The following CERT1 variants were observed in gnomAD, a reference collection of about 807,000 sequenced individuals.
CERT1 encodes the protein ceramide transporter 1.
CERT1 carries 31 observed loss-of-function variants against 87.9 expected under a neutral mutation model. The ratio of observed to expected loss-of-function variants is 0.35; its 90% CI spans 0.27 to 0.48. The LOEUF (loss-of-function observed/expected upper bound fraction) is 0.48, where lower values mean the gene tolerates loss of function less well. Among genes scored for constraint, CERT1 ranks in the 20% least tolerant of loss-of-function variants. The pLI is 0.99. For synonymous variants in CERT1, 289 were observed against 250.9 expected (o/e 1.15, Z -1.44); for missense variants, 487 against 758.0 (o/e 0.64, Z 4.20).
intron 13 of CERT1, among the ~76,000 whole-genome samples, chr5:75,385,108 T>C (rs1382045951): frequency 2.6e-5 from 4 of 152,306 alleles, no homozygotes; most frequent in Middle Eastern, 3.4e-3. Context: ...AAACTGCCAA[T>C]GATAAACATC....
intron 12 of CERT1, among the ~76,000 whole-genome samples, chr5:75,387,126 C>T (rs542231714): frequency 6.6e-6 from 1 of 152,024 alleles, no homozygotes; most frequent in Non-Finnish European, 1.5e-5. Context: ...GCCTTGGCCT[C>T]CCAAAGTGCT....
chr5:75,448,718 CTG>C (rs1764651346), intron 3 of CERT1, among the ~76,000 whole-genome samples: 1 of 152,164 alleles, frequency 6.6e-6, no homozygotes, highest in Admixed American at 6.5e-5. Flanking sequence ...GTCCCAGTGA[CTG>C]TCAGAAATCT....
intron 2 of CERT1, among the ~76,000 whole-genome samples, chr5:75,459,930 C>G (rs1191774881): frequency 6.8e-6 from 1 of 146,978 alleles, no homozygotes; most frequent in Non-Finnish European, 1.5e-5. Flanking sequence ...CCACTGCTCT[C>G]CAGCCTGGGT....
chr5:75,504,677 G>A (rs1286456899), intron 2 of CERT1, among the ~76,000 whole-genome samples: 3 of 150,730 alleles, frequency 2.0e-5, no homozygotes, highest in Non-Finnish European at 4.4e-5. Flanking sequence ...TTGTTTTAAC[G>A]TACCCATTTT....
At chr5:75,441,939 T>C (rs1453908891) in intron 3 of CERT1, among the ~76,000 whole-genome samples, 1 of 152,236 alleles carries the variant, frequency 6.6e-6, no homozygotes, top group Non-Finnish European at 1.5e-5. Flanking sequence ...GTAGATCATA[T>C]GTTAATTCCA....
At chr5:75,374,137 T>G, downstream of CERT1, 1 of 376,780 alleles carries the variant, frequency 2.7e-6, no homozygotes, top group Non-Finnish European at 4.7e-6. Flanking sequence ...AGCATTCAGC[T>G]TTTTTTTTTC....
rs1405514243 is a variant in CERT1 at position 75,511,175 on chromosome 5, G to A, written c.33C>T (p.Gly11=). 9.3e-6 allele frequency: 15 copies of A among 1,612,630 alleles called. No homozygotes were observed. Among genetic ancestry groups the A allele is most frequent in the Non-Finnish European group, 1.2e-5 (14 of 1,179,620 alleles). The change falls in exon 1 of 17, where the codon GGC becomes GGT. Residue 11 remains glycine (G), a synonymous_variant. Coordinates refer to ENST00000643780, the MANE Select transcript of CERT1 (RefSeq NM_001379029.1). MSDNQSWNSS[G]SEEDPETESG... is the part of the protein sequence containing the mutation. ...ACTCCGTCTCTGGATCCTCCTCCGA[G>A]CCCGACGAGTTCCAGCTCTGATTAT... is the stretch of plus-strand genomic sequence containing the variant.
intron 2 of CERT1, among the ~76,000 whole-genome samples, chr5:75,463,284 C>T (rs1302338834): frequency 1.3e-5 from 2 of 152,018 alleles, no homozygotes; most frequent in Non-Finnish European, 2.9e-5. Context: ...AACCCTCTAC[C>T]CCACAATTAA....
intron 8 of CERT1, among the ~76,000 whole-genome samples, chr5:75,409,864 G>C (rs184034654): frequency 6.7e-6 from 1 of 149,002 alleles, no homozygotes; most frequent in Non-Finnish European, 1.5e-5. Flanking sequence ...ACAAAGTCTC[G>C]CTCTGTCACC....
intron 11 of CERT1, among the ~76,000 whole-genome samples, chr5:75,395,819 C>T (rs1204260104): frequency 1.3e-5 from 2 of 152,192 alleles, no homozygotes; most frequent in Middle Eastern, 3.4e-3. Flanking sequence ...CACTGCACTA[C>T]AGCCTGGGTG....
chr5:75,442,694 T>C (rs577690192), intron 3 of CERT1, among the ~76,000 whole-genome samples: 1 of 152,234 alleles, frequency 6.6e-6, no homozygotes, highest in South Asian at 2.1e-4. Flanking sequence ...TAGATTCAGT[T>C]ACTTGTGGAA....
chr5:75,370,126 T>C (rs896212147), intron 17 of CERT1: 1 of 152,224 alleles, frequency 6.6e-6, no homozygotes, highest in African/African-American at 2.4e-5. Context: ...CACATAATAT[T>C]TCTCTGTCAT....
chr5:75,477,536 G>C (rs1171366382), intron 2 of CERT1, among the ~76,000 whole-genome samples: 1 of 151,324 alleles, frequency 6.6e-6, no homozygotes. Flanking sequence ...AAAAATTTCT[G>C]GGGTTTTGTA....
At chr5:75,502,702 A>C (rs1397440622) in intron 2 of CERT1, among the ~76,000 whole-genome samples, 1 of 152,134 alleles carries the variant, frequency 6.6e-6, no homozygotes, top group Non-Finnish European at 1.5e-5. Context: ...AAAAAGCAGC[A>C]TGTACTTCTT....
chr5:75,396,382 G>A (rs1021865155), intron 11 of CERT1, among the ~76,000 whole-genome samples: 1 of 152,072 alleles, frequency 6.6e-6, no homozygotes, highest in Non-Finnish European at 1.5e-5. Flanking sequence ...AAAGAATTTG[G>A]TTACCTCCCA....
At chr5:75,385,879 A>C in intron 13 of CERT1, 23 bp downstream of exon 13, 11 of 1,416,186 alleles carry the variant, frequency 7.8e-6, no homozygotes, top group Non-Finnish European at 1.0e-5. Flanking sequence ...ATAGATTAAA[A>C]TATATTAATA....
intron 16 of CERT1, among the ~76,000 whole-genome samples, chr5:75,380,475 A>G (rs1761517874): frequency 6.6e-6 from 1 of 152,106 alleles, no homozygotes; most frequent in Non-Finnish European, 1.5e-5. Flanking sequence ...TGAGGCAAAT[A>G]TCTAAGAAAA....
At chr5:75,380,939 A>ATACC in intron 16 of CERT1, 133 bp downstream of exon 16, 1 of 914,108 alleles carries the variant, frequency 1.1e-6, no homozygotes, top group Non-Finnish European at 1.7e-6. Context: ...TAATTCTGAT[A>ATACC]TACCTTTCTC....
At chr5:75,511,795 G>A (rs1458892051), upstream of CERT1, 3 of 1,551,334 alleles carry the variant, frequency 1.9e-6, no homozygotes, top group African/African-American at 2.7e-5. Context: ...TAGAAAAGCA[G>A]GAGGAGCGGA....
Sources: allele counts gnomAD v4.1 joint callset (sites outside exome capture counted in the v4.1 genomes callset), GRCh38; gene constraint gnomAD v4.1.1; transcripts MANE v1.5; gene names NCBI Gene and HGNC (gene_info 2026-07-23, HGNC 2026-07-21).